AUTS2: variants seen among roughly 807,000 people sequenced by gnomAD.
The protein encoded by AUTS2 is activator of transcription and developmental regulator AUTS2.
A neutral mutation model predicts 112.4 loss-of-function variants in AUTS2; 17 were observed. That is an observed-to-expected ratio of 0.15 (90% CI 0.10 to 0.23). The LOEUF (loss-of-function observed/expected upper bound fraction) is 0.23, where lower values mean the gene tolerates loss of function less well. AUTS2 is among the 10% of genes least tolerant of loss of function. The pLI is 1.00. For missense variants in AUTS2, 1,510 were observed against 1,701.6 expected (o/e 0.89, Z 1.98); for synonymous variants, 751 against 702.7 (o/e 1.07, Z -1.09).
intron 5 of AUTS2, among the ~76,000 whole-genome samples, chr7:70,667,035 T>A (rs374359513): frequency 4.6e-5 from 7 of 152,080 alleles, no homozygotes; most frequent in South Asian, 2.1e-4. Flanking sequence ...CAACACACCT[T>A]GTACTAAATA....
chr7:70,753,095 G>A (rs147363041), intron 6 of AUTS2, among the ~76,000 whole-genome samples: 3 of 152,012 alleles, frequency 2.0e-5, no homozygotes, highest in African/African-American at 4.8e-5. Context: ...ACTCAACTGC[G>A]GTGTGTTGCT....
chr7:69,822,177 A>C (rs2129526436), intron 1 of AUTS2, among the ~76,000 whole-genome samples: 1 of 152,336 alleles, frequency 6.6e-6, no homozygotes, highest in South Asian at 2.1e-4. Flanking sequence ...ATATTAGTTA[A>C]GGGTGAGAGG....
chr7:70,165,067 A>G (rs1318455007), intron 4 of AUTS2, among the ~76,000 whole-genome samples: 1 of 152,192 alleles, frequency 6.6e-6, no homozygotes, highest in African/African-American at 2.4e-5. Flanking sequence ...ACACAATATC[A>G]TATATGAAAA....
chr7:70,314,780 A>G (rs901687982), intron 4 of AUTS2, among the ~76,000 whole-genome samples: 1 of 152,154 alleles, frequency 6.6e-6, no homozygotes, highest in African/African-American at 2.4e-5. Flanking sequence ...GGAGAAAAAC[A>G]TGTTCTTCAT....
chr7:69,713,647 G>T (rs1395562500), intron 1 of AUTS2, among the ~76,000 whole-genome samples: 1 of 151,908 alleles, frequency 6.6e-6, no homozygotes, highest in Non-Finnish European at 1.5e-5. Context: ...TTTTAGTAGA[G>T]ATGGGGTTTC....
chr7:70,208,625 T>C (rs1810700385), intron 4 of AUTS2, among the ~76,000 whole-genome samples: 1 of 151,786 alleles, frequency 6.6e-6, no homozygotes, highest in African/African-American at 2.4e-5. Context: ...CATTCCAGGG[T>C]AAGAAAATAG....
intron 5 of AUTS2, among the ~76,000 whole-genome samples, chr7:70,562,061 C>A (rs1030536554): frequency 5.9e-5 from 9 of 152,282 alleles, no homozygotes; most frequent in Non-Finnish European, 1.2e-4. Context: ...ACCACGTGCC[C>A]TGTTGACTAC....
At chr7:70,409,285 T>G in intron 4 of AUTS2, among the ~76,000 whole-genome samples, 1 of 152,184 alleles carries the variant, frequency 6.6e-6, no homozygotes. Context: ...CATGTACAAG[T>G]CAGGAGTGTG....
At chr7:70,321,789 AT>A (rs1225015797) in intron 4 of AUTS2, among the ~76,000 whole-genome samples, 2 of 152,144 alleles carry the variant, frequency 1.3e-5, no homozygotes, top group Admixed American at 6.5e-5. Flanking sequence ...ACAAAAAGAG[AT>A]TATGGTCAGG....
intron 4 of AUTS2, among the ~76,000 whole-genome samples, chr7:70,354,172 A>G (rs950839656): frequency 6.6e-6 from 1 of 152,224 alleles, no homozygotes; most frequent in Non-Finnish European, 1.5e-5. Flanking sequence ...TGTGGAGATC[A>G]GATACAAAGT....
chr7:70,080,946 T>G (rs1803274537), intron 2 of AUTS2, among the ~76,000 whole-genome samples: 1 of 152,192 alleles, frequency 6.6e-6, no homozygotes, highest in Admixed American at 6.5e-5. Context: ...TCAGCAAGGC[T>G]TTGGAACCCA....
At chr7:70,296,836 A>T (rs1030936659) in intron 4 of AUTS2, among the ~76,000 whole-genome samples, 1 of 145,514 alleles carries the variant, frequency 6.9e-6, no homozygotes, top group African/African-American at 2.5e-5. Flanking sequence ...TTCCCTGGGT[A>T]TACATTTTTT....
chr7:69,932,660 G>A (rs988615112), intron 2 of AUTS2, among the ~76,000 whole-genome samples: 2 of 152,204 alleles, frequency 1.3e-5, no homozygotes, highest in East Asian at 3.8e-4. Context: ...GGCCTCCAGT[G>A]TGAGTTTGGC....
Position 70,366,623 on chromosome 7 carries a change from C to G in AUTS2, c.661-69129C>G, listed in dbSNP as rs191787198. On this transcript the variant is annotated intron_variant, in intron 4 of 18. Coordinates refer to ENST00000342771, the MANE Select transcript of AUTS2 (RefSeq NM_015570.4). ...ATCAGTGAGGTGATGCTGATAAACT[C>G]GGGGAAATCACAGGAGCTTTTTAAG... Among the ~76,000 whole-genome samples, 78 of 152,204 alleles carry G rather than the reference C, an allele frequency of 5.1e-4. No homozygotes were observed. In the East Asian group the frequency reaches 0.014, roughly 26 times the overall value.
At chr7:70,364,566 AAAAT>A (rs200011798) in intron 4 of AUTS2, among the ~76,000 whole-genome samples, 29,933 of 137,918 alleles carry the variant, frequency 0.22, 3,365 homozygotes, top group Middle Eastern at 0.28. Context: ...CTCTGTCTCA[AAAAT>A]AAATAAATAA....
Position 69,599,442 on chromosome 7 carries a change from T to G in AUTS2, c.-212T>G. On this transcript the variant is annotated 5_prime_UTR_variant, in exon 1 of 19. Transcript: ENST00000342771. This position sits in a 1 kb window ranked among gnomAD's most constrained non-coding sequence, Gnocchi z 7.0. ...CCTCGCCTCTCGCCCTCGCTCCCCG[T>G]CCCTCCTCCCCTCTCTCCGCCCCTT... The G allele has an allele frequency of 2.4e-6, 1 of 413,602 alleles. No individual in the cohort carries two copies. 25.6% of individuals were successfully genotyped at this position (413,602 alleles called of 1,614,324 possible). A position where few individuals can be genotyped will look rare whatever the true frequency, so the allele number is the denominator to read the frequency against.
chr7:69,599,626 A>C lies in AUTS2; in HGVS notation c.-28A>C. 1 of 1,271,904 alleles carries C rather than the reference A, an allele frequency of 7.9e-7. No individual in the cohort carries two copies. Among genetic ancestry groups the C allele is most frequent in the Non-Finnish European group, 9.9e-7 (1 of 1,010,868 alleles). The allele number at this position is 1,271,904 out of a possible 1,614,324, so 78.8% of individuals were successfully genotyped here. A position where few individuals can be genotyped will look rare whatever the true frequency, so the allele number is the denominator to read the frequency against. On this transcript the variant is annotated 5_prime_UTR_variant, in exon 1 of 19. Transcript: ENST00000342771. The surrounding 1 kb of genome is among the most constrained non-coding windows in gnomAD (Gnocchi z 7.0). Reference sequence around the variant, plus strand: ...CTGCGGCCGTAGCCTGTGGCGGGCAAGCGGGGAGACCCCGGCGCAGCAGAA... The same window carrying C: ...CTGCGGCCGTAGCCTGTGGCGGGCACGCGGGGAGACCCCGGCGCAGCAGAA...
At chr7:69,680,512 G>T (rs1244699989) in intron 1 of AUTS2, among the ~76,000 whole-genome samples, 1 of 151,974 alleles carries the variant, frequency 6.6e-6, no homozygotes, top group East Asian at 1.9e-4. Context: ...CTTCAGTAGT[G>T]TTAAGTATAG....
intron 1 of AUTS2, among the ~76,000 whole-genome samples, chr7:69,875,452 G>A (rs769275294): frequency 6.6e-6 from 1 of 152,164 alleles, no homozygotes; most frequent in Non-Finnish European, 1.5e-5. Flanking sequence ...CTGGCATTAA[G>A]AGGATTATTA....
Sources: gnomAD v4.1 joint callset for allele counts (sites outside exome capture counted in the v4.1 genomes callset) on GRCh38, gnomAD v4.1.1 for gene constraint, Gnocchi (gnomAD v3.1) non-coding constraint, MANE v1.5 for transcripts, NCBI Gene and HGNC (gene_info 2026-07-23, HGNC 2026-07-21) for gene names.